The following SLC13A3 variants were observed in gnomAD, a reference collection of about 807,000 sequenced individuals.
SLC13A3 encodes the protein solute carrier family 13 member 3, also known as Na(+)/dicarboxylate cotransporter 3.
SLC13A3 carries 40 observed loss-of-function variants against 59.0 expected under a neutral mutation model. The ratio of observed to expected loss-of-function variants is 0.68; its 90% CI spans 0.53 to 0.88. The LOEUF (loss-of-function observed/expected upper bound fraction) is 0.88, where lower values mean the gene tolerates loss of function less well. Among genes scored for constraint, SLC13A3 ranks in the 40% least tolerant of loss-of-function variants. SLC13A3 has a pLI of 0.00. For missense variants in SLC13A3, 699 were observed against 783.2 expected (o/e 0.89, Z 1.28); for synonymous variants, 317 against 330.3 (o/e 0.96, Z 0.44).
At chr20:46,655,649 C>T (rs957076182), upstream of SLC13A3, among the ~76,000 whole-genome samples, 53 of 147,008 alleles carry the variant, frequency 3.6e-4, no homozygotes, top group African/African-American at 1.1e-3. Context: ...TTCTACCTTT[C>T]GGCTATTGTG....
chr20:46,595,670 G>A (rs2062303956), intron 5 of SLC13A3, among the ~76,000 whole-genome samples: 1 of 152,130 alleles, frequency 6.6e-6, no homozygotes, highest in Admixed American at 6.5e-5. Context: ...CTTCGCCCCA[G>A]GCTCTTCGTC....
At chr20:46,561,663 TTTTTTTTTTAATGTCAAG>T (rs1225361709) in intron 12 of SLC13A3, among the ~76,000 whole-genome samples, 10 of 150,512 alleles carry the variant, frequency 6.6e-5, no homozygotes, top group Admixed American at 1.3e-4. Context: ...TTTTTTTGTT[TTTTTTTTTTAATGTCAAG>T]CTGATTTAGT....
chr20:46,572,669 A>C (rs886703535), intron 10 of SLC13A3, among the ~76,000 whole-genome samples: 1 of 152,198 alleles, frequency 6.6e-6, no homozygotes, highest in Non-Finnish European at 1.5e-5. Context: ...ATCTAACCAT[A>C]ATAACCAACT....
At chr20:46,639,216 A>AG (rs2062823385) in intron 1 of SLC13A3, among the ~76,000 whole-genome samples, 2 of 48,982 alleles carry the variant, frequency 4.1e-5, no homozygotes, top group Admixed American at 5.5e-4. Flanking sequence ...GGTTAAGGGC[A>AG]GGGGGGTGGG....
At chr20:46,589,067 C>A in intron 7 of SLC13A3, 93 bp downstream of exon 7, 1 of 1,084,810 alleles carries the variant, frequency 9.2e-7, no homozygotes, top group Non-Finnish European at 1.4e-6. Flanking sequence ...TCCCCTGGAG[C>A]TCAGCCCCCA....
At chr20:46,663,041 G>A (rs931957270) in intron 1 of SLC13A3, among the ~76,000 whole-genome samples, 3 of 152,160 alleles carry the variant, frequency 2.0e-5, no homozygotes, top group African/African-American at 7.2e-5. Flanking sequence ...TGTAATCCCA[G>A]CACTTTGGGA....
upstream of SLC13A3, among the ~76,000 whole-genome samples, chr20:46,655,575 A>G (rs1200725105): frequency 2.7e-5 from 4 of 147,630 alleles, no homozygotes. Context: ...ACACAATAAT[A>G]TTCCATTGTA....
intron 1 of SLC13A3, among the ~76,000 whole-genome samples, chr20:46,634,032 C>T (rs186362962): frequency 1.3e-5 from 2 of 152,314 alleles, no homozygotes; most frequent in East Asian, 3.9e-4. Context: ...CTTATGGGCC[C>T]TATCCCCACG....
At position 46,559,180 on chromosome 20, in the gene SLC13A3, C is replaced by T. The variant is rs931042756; in HGVS notation, c.*842G>A. The T allele has an allele frequency of 1.3e-5, 2 of 152,338 alleles. No homozygotes were observed. Among genetic ancestry groups the T allele is most frequent in the African/African-American group, 4.8e-5 (2 of 41,418 alleles). 9.4% of individuals were successfully genotyped at this position (152,338 alleles called of 1,614,324 possible). On this transcript the variant is annotated 3_prime_UTR_variant, in exon 13 of 13. Transcript: ENST00000279027. ...AAGCAGCAACTGACCGCCTTGCAGC[C>T]ACAGAGGCCTATGGGGGCCACATGT...
At chr20:46,625,709 G>A (rs2062661699) in intron 1 of SLC13A3, among the ~76,000 whole-genome samples, 1 of 152,218 alleles carries the variant, frequency 6.6e-6, no homozygotes, top group East Asian at 1.9e-4. Flanking sequence ...AATCATACAG[G>A]ATGTACTTCT....
chr20:46,590,990 C>T (rs1334251347), intron 6 of SLC13A3, among the ~76,000 whole-genome samples: 1 of 150,198 alleles, frequency 6.7e-6, no homozygotes, highest in African/African-American at 2.4e-5. Flanking sequence ...AAACCCCTCT[C>T]TCTACCAAAA....
At chr20:46,623,944 C>A (rs917504568) in intron 1 of SLC13A3, among the ~76,000 whole-genome samples, 5 of 152,176 alleles carry the variant, frequency 3.3e-5, no homozygotes, top group Non-Finnish European at 5.9e-5. Context: ...TTCTCTTTAT[C>A]ACTATGTATT....
At chr20:46,619,344 T>G (rs2062592078) in intron 1 of SLC13A3, among the ~76,000 whole-genome samples, 1 of 152,088 alleles carries the variant, frequency 6.6e-6, no homozygotes, top group South Asian at 2.1e-4. Context: ...TACAATAGAG[T>G]CCAAGCTCTG....
intron 1 of SLC13A3, among the ~76,000 whole-genome samples, chr20:46,680,838 C>G (rs543055062): frequency 6.6e-6 from 1 of 152,336 alleles, no homozygotes; most frequent in South Asian, 2.1e-4. Context: ...TCAACTGTAT[C>G]TGAGTCTGCT....
chr20:46,626,198 A>G (rs1382136107), intron 1 of SLC13A3, among the ~76,000 whole-genome samples: 1 of 73,614 alleles, frequency 1.4e-5, no homozygotes. Flanking sequence ...CCTTCTTCCC[A>G]CTCCCTCTGT....
intron 1 of SLC13A3, among the ~76,000 whole-genome samples, chr20:46,644,600 A>T (rs147771051): frequency 3.9e-5 from 6 of 152,358 alleles, no homozygotes; most frequent in Non-Finnish European, 5.9e-5. Flanking sequence ...AGGACTGTGG[A>T]CATTTCCATT....
intron 1 of SLC13A3, among the ~76,000 whole-genome samples, chr20:46,622,922 A>G (rs912785480): frequency 4.6e-5 from 7 of 152,170 alleles, no homozygotes; most frequent in African/African-American, 9.7e-5. Context: ...AAGAAATTAA[A>G]AAGTTGAATA....
chr20:46,666,467 G>T (rs1268805147), intron 1 of SLC13A3, among the ~76,000 whole-genome samples: 1 of 142,752 alleles, frequency 7.0e-6, no homozygotes, highest in African/African-American at 2.7e-5. Context: ...TTTTGGTTTT[G>T]TTGCTTTGTT....
rs562063954 is a variant in SLC13A3, at chr20:46,559,936, T to C, written c.*86A>G. 1.5e-6 allele frequency: 2 copies of C among 1,338,310 alleles called. No homozygotes were observed. Among genetic ancestry groups the C allele is most frequent in the South Asian group, 2.7e-5 (2 of 74,414 alleles). The allele number at this position is 1,338,310 out of a possible 1,614,324, so 82.9% of individuals were successfully genotyped here. A position where few individuals can be genotyped will look rare whatever the true frequency, so the allele number is the denominator to read the frequency against. ...CATATTGGATTACAGAAAAGAATTA[T>C]TTGATTGTTTTGTAGTGTCCTAGCA... On this transcript the variant is annotated 3_prime_UTR_variant, in exon 13 of 13. Transcript: ENST00000279027.
Sources: allele counts gnomAD v4.1 joint callset (sites outside exome capture counted in the v4.1 genomes callset), GRCh38; gene constraint gnomAD v4.1.1; transcripts MANE v1.5; gene names NCBI Gene and HGNC (gene_info 2026-07-23, HGNC 2026-07-21).